Variants in FBXL17 observed in about 807,000 individuals in gnomAD.
FBXL17 encodes F-box and leucine rich repeat protein 17.
A neutral mutation model predicts 66.2 loss-of-function variants in FBXL17; 22 were observed. The ratio of observed to expected loss-of-function variants is 0.33; its 90% CI spans 0.24 to 0.47. The LOEUF (loss-of-function observed/expected upper bound fraction) is 0.47, where lower values mean the gene tolerates loss of function less well. Ranked by LOEUF, FBXL17 falls within the 20% of genes least tolerant of loss-of-function variation. FBXL17 has a pLI of 1.00. For missense variants in FBXL17, 878 were observed against 948.2 expected, an observed-to-expected ratio of 0.93 and a Z score of 0.97; for synonymous variants, 474 against 400.5, an observed-to-expected ratio of 1.18 and a Z score of -2.19.
intron 6 of FBXL17, among the ~76,000 whole-genome samples, chr5:108,073,066 G>A (rs1227551782): frequency 1.3e-5 from 2 of 152,074 alleles, no homozygotes. Flanking sequence ...ACAGAAGTCA[G>A]AAAGGCTATA....
At chr5:108,004,465 T>C (rs985866230) in intron 7 of FBXL17, among the ~76,000 whole-genome samples, 3 of 152,130 alleles carry the variant, frequency 2.0e-5, no homozygotes, top group East Asian at 1.9e-4. Context: ...TCATATAACA[T>C]GATTTAATTG....
intron 6 of FBXL17, among the ~76,000 whole-genome samples, chr5:108,160,679 T>C (rs1228673593): frequency 1.3e-5 from 2 of 151,730 alleles, no homozygotes; most frequent in Non-Finnish European, 2.9e-5. Flanking sequence ...AAAAACAGGG[T>C]TTAAAGTCAA....
intron 6 of FBXL17, among the ~76,000 whole-genome samples, chr5:108,081,427 A>C (rs538270037): frequency 1.3e-5 from 2 of 152,184 alleles, no homozygotes; most frequent in East Asian, 3.9e-4. Context: ...TTCTTCTAAG[A>C]TAAGAGCCAG....
At chr5:108,177,551 C>G (rs982772364) in intron 6 of FBXL17, among the ~76,000 whole-genome samples, 8 of 151,962 alleles carry the variant, frequency 5.3e-5, no homozygotes, top group Non-Finnish European at 8.8e-5. Flanking sequence ...AAATACTAAA[C>G]CCGACAGAAT....
chr5:108,253,096 A>G (rs1756427177), intron 4 of FBXL17, among the ~76,000 whole-genome samples: 1 of 152,208 alleles, frequency 6.6e-6, no homozygotes, highest in Non-Finnish European at 1.5e-5. Flanking sequence ...TTCTCAAAAC[A>G]AACATTCAAA....
In FBXL17 at chr5:108,377,015, G is replaced by A. The variant is rs368310329; in HGVS notation, c.993+3684C>T. On this transcript the variant is annotated intron_variant, in intron 1 of 8. Coordinates refer to ENST00000542267, the MANE Select transcript of FBXL17 (RefSeq NM_001163315.3). Reference sequence around the variant, plus strand: ...TGGGCAGTGTGACTACATCTGTTCAGATTTTAATTCACATATATATGTTTT... The same window carrying A: ...TGGGCAGTGTGACTACATCTGTTCAAATTTTAATTCACATATATATGTTTT... Among the ~76,000 whole-genome samples the A allele has an allele frequency of 3.3e-5, 5 of 152,224 alleles. No homozygotes were observed. The South Asian group carries it at 8.3e-4, about 25-fold the overall frequency.
intron 4 of FBXL17, among the ~76,000 whole-genome samples, chr5:108,238,172 G>A (rs11959579): frequency 0.023 from 3,526 of 152,316 alleles, 146 homozygotes; most frequent in African/African-American, 0.08. Context: ...AATGGTGACA[G>A]AATACTTCGT....
chr5:108,014,146 T>A (rs1391610290), intron 7 of FBXL17, among the ~76,000 whole-genome samples: 1 of 152,176 alleles, frequency 6.6e-6, no homozygotes, highest in Admixed American at 6.5e-5. Context: ...GATTTGGGAC[T>A]AATTTCCTAT....
chr5:108,351,570 T>C (rs1441933306), intron 3 of FBXL17, among the ~76,000 whole-genome samples: 1 of 152,216 alleles, frequency 6.6e-6, no homozygotes, highest in Non-Finnish European at 1.5e-5. Context: ...CTGGTCAGCC[T>C]AGTCAATGAC....
chr5:108,104,112 T>G lies in FBXL17; in HGVS notation c.1745+82005A>C, dbSNP rs372554491. 2.4e-4 allele frequency among the ~76,000 whole-genome samples: 36 copies of G among 152,264 alleles called. No homozygotes were observed. The South Asian group carries it at 7.3e-3, about 31-fold the overall frequency. On this transcript the variant is annotated intron_variant, in intron 6 of 8. Transcript: ENST00000542267. ...GTGCAGTGGCGCGATCTTGGCTCAC[T>G]GCAACCTCCACCTCCTGGGTTCAAG...
chr5:107,988,658 T>C (rs1000921469), intron 7 of FBXL17, among the ~76,000 whole-genome samples: 2 of 151,992 alleles, frequency 1.3e-5, no homozygotes, highest in Non-Finnish European at 2.9e-5. Context: ...TGGATGATAG[T>C]TTTTAAATGT....
chr5:108,345,100 C>T (rs1011640976), intron 4 of FBXL17, among the ~76,000 whole-genome samples: 13 of 151,840 alleles, frequency 8.6e-5, no homozygotes, highest in Non-Finnish European at 1.6e-4. Context: ...TTTGGGAGGC[C>T]GAGGTGGGCG....
intron 6 of FBXL17, among the ~76,000 whole-genome samples, chr5:108,043,179 T>A (rs978686935): frequency 6.6e-6 from 1 of 152,154 alleles, no homozygotes; most frequent in African/African-American, 2.4e-5. Flanking sequence ...TAGTTTGCCT[T>A]TTCCATCCTA....
At chr5:108,074,076 C>G (rs1320053303) in intron 6 of FBXL17, among the ~76,000 whole-genome samples, 1 of 152,128 alleles carries the variant, frequency 6.6e-6, no homozygotes, top group Admixed American at 6.5e-5. Flanking sequence ...ATGTTCTGAG[C>G]CCCCATTCTT....
At chr5:108,292,947 A>G (rs190322483) in intron 4 of FBXL17, among the ~76,000 whole-genome samples, 24 of 151,990 alleles carry the variant, frequency 1.6e-4, no homozygotes, top group African/African-American at 5.5e-4. Flanking sequence ...AAAAATTAGC[A>G]GGGCATGCTG....
intron 6 of FBXL17, among the ~76,000 whole-genome samples, chr5:108,089,265 C>T (rs1749097291): frequency 6.6e-6 from 1 of 152,182 alleles, no homozygotes; most frequent in South Asian, 2.1e-4. Context: ...TGCAGTGTTG[C>T]TGCTTTTGGG....
Position 107,859,174 on chromosome 5 carries a change from A to G in FBXL17, c.*2546T>C, listed in dbSNP as rs1748052268. ...CCAGAATTTTCCACTACAGCAATAT[A>G]TTTCATAGTCTTTATTCTGAAAATA... On this transcript the variant is annotated 3_prime_UTR_variant, in exon 9 of 9. Coordinates refer to ENST00000542267, the MANE Select transcript of FBXL17 (RefSeq NM_001163315.3). 6.6e-6 allele frequency: 1 copy of G among 152,166 alleles called. No individual in the cohort carries two copies. The highest frequency in any genetic ancestry group is 6.6e-5 in the Admixed American group (1 of 15,264). The allele number at this position is 152,166 out of a possible 1,614,324, so 9.4% of individuals were successfully genotyped here.
chr5:107,884,406 G>A (rs1277926789), intron 7 of FBXL17, among the ~76,000 whole-genome samples: 1 of 152,180 alleles, frequency 6.6e-6, no homozygotes, highest in Non-Finnish European at 1.5e-5. Context: ...GGTGCAAATT[G>A]AGGTTATTTG....
chr5:107,965,332 A>T (rs773771525), intron 7 of FBXL17, among the ~76,000 whole-genome samples: 1 of 152,190 alleles, frequency 6.6e-6, no homozygotes, highest in Non-Finnish European at 1.5e-5. Flanking sequence ...GAAAATAAAA[A>T]CAAAAGATGA....
Sources: allele counts gnomAD v4.1 joint callset (sites outside exome capture counted in the v4.1 genomes callset), GRCh38; gene constraint gnomAD v4.1.1; transcripts MANE v1.5; gene names NCBI Gene and HGNC (gene_info 2026-07-23, HGNC 2026-07-21).